The following COLEC12 variants were observed in gnomAD, a reference collection of about 807,000 sequenced individuals.
COLEC12 encodes collectin subfamily member 12.
A neutral mutation model predicts 71.1 loss-of-function variants in COLEC12; 33 were observed. The ratio of observed to expected loss-of-function variants is 0.46; its 90% CI spans 0.35 to 0.62. The LOEUF is 0.62. Ranked by LOEUF, COLEC12 falls within the 20% of genes least tolerant of loss-of-function variation. COLEC12 has a pLI of 0.00. For synonymous variants in COLEC12, 350 were observed against 353.0 expected, an observed-to-expected ratio of 0.99 and a Z score of 0.10; for missense variants, 765 against 916.1, an observed-to-expected ratio of 0.84 and a Z score of 2.13.
intron 8 of COLEC12, among the ~76,000 whole-genome samples, chr18:323,181 A>G (rs532691378): frequency 1.3e-5 from 2 of 152,172 alleles, no homozygotes; most frequent in Non-Finnish European, 2.9e-5. Context: ...AGCCAAGATC[A>G]TGCCACTGCA....
At chr18:350,165 GT>G (rs1413969030) in intron 3 of COLEC12, among the ~76,000 whole-genome samples, 2 of 152,192 alleles carry the variant, frequency 1.3e-5, no homozygotes, top group Admixed American at 1.3e-4. Context: ...ATTTACATGT[GT>G]TGTGGGAAGG....
At chr18:363,238 A>C (rs572323916) in intron 2 of COLEC12, among the ~76,000 whole-genome samples, 29 of 152,316 alleles carry the variant, frequency 1.9e-4, no homozygotes, top group African/African-American at 7.0e-4. Context: ...TGCAGAAAAA[A>C]AAAGAGTCTC....
chr18:380,475 G>A (rs1018331362), intron 2 of COLEC12, among the ~76,000 whole-genome samples: 3 of 62,706 alleles, frequency 4.8e-5, no homozygotes, highest in Non-Finnish European at 6.8e-5. Context: ...ATTGTAATAG[G>A]GACAAGAATG....
chr18:355,051 C>CATG (rs1914602998), intron 3 of COLEC12, among the ~76,000 whole-genome samples: 1 of 121,818 alleles, frequency 8.2e-6, no homozygotes, highest in African/African-American at 5.9e-5. Flanking sequence ...ATCCATGCAT[C>CATG]CATCCATCCA....
At chr18:469,123 G>A (rs966005911) in intron 2 of COLEC12, among the ~76,000 whole-genome samples, 1 of 152,256 alleles carries the variant, frequency 6.6e-6, no homozygotes, top group Non-Finnish European at 1.5e-5. Flanking sequence ...ACAAAGGAAA[G>A]GGACTTCATA....
At chr18:445,364 C>T (rs1021823175) in intron 2 of COLEC12, among the ~76,000 whole-genome samples, 8 of 152,152 alleles carry the variant, frequency 5.3e-5, no homozygotes, top group Non-Finnish European at 7.3e-5. Flanking sequence ...CACAAGGCCT[C>T]ATTTGTTTGA....
At chr18:418,010 A>C (rs1344225842) in intron 2 of COLEC12, among the ~76,000 whole-genome samples, 1 of 152,186 alleles carries the variant, frequency 6.6e-6, no homozygotes, top group East Asian at 1.9e-4. Flanking sequence ...TCTAAGGCCC[A>C]AGAAGCCAGG....
Position 480,779 on chromosome 18 carries a change from G to A in COLEC12, c.8-22C>T, listed in dbSNP as rs1222079074. 2.8e-5 allele frequency: 45 copies of A among 1,610,950 alleles called. No individual in the cohort carries two copies. The highest frequency in any genetic ancestry group is 4.4e-5 in the South Asian group (4 of 91,036). On this transcript the variant is annotated intron_variant, in intron 1 of 9. Transcript: ENST00000400256. The surrounding 1 kb of genome is among the most constrained non-coding windows in gnomAD (Gnocchi z 4.1). The stretch of plus-strand genomic sequence containing the variant: ...TCGTCTGTGAGAGAAGAAGAGACAC[G>A]ATGTTAATCCTGGCAAGGGGCACAG...
intron 2 of COLEC12, among the ~76,000 whole-genome samples, chr18:415,214 C>T (rs1915964020): frequency 6.6e-6 from 1 of 152,150 alleles, no homozygotes; most frequent in Admixed American, 6.5e-5. Flanking sequence ...GAATTAATGC[C>T]GTTTCCATTT....
intron 2 of COLEC12, among the ~76,000 whole-genome samples, chr18:360,882 T>A (rs1914730102): frequency 1.3e-5 from 2 of 152,156 alleles, no homozygotes; most frequent in South Asian, 4.1e-4. Context: ...CCTTTCTGTC[T>A]TACTTCCTTA....
At chr18:435,025 C>T (rs556096467) in intron 2 of COLEC12, among the ~76,000 whole-genome samples, 3 of 152,300 alleles carry the variant, frequency 2.0e-5, no homozygotes, top group Admixed American at 1.3e-4. Flanking sequence ...CTGACTTTGA[C>T]CAGCAGCTTT....
At chr18:320,212 A>G (rs1234555317) in intron 9 of COLEC12, 148 bp from the exon 10 acceptor site, 1 of 551,478 alleles carries the variant, frequency 1.8e-6, no homozygotes, top group Non-Finnish European at 3.2e-6. Flanking sequence ...AATGTCTAGA[A>G]GATCTTATTT....
intron 1 of COLEC12, among the ~76,000 whole-genome samples, chr18:481,896 A>G (rs943309080): frequency 6.6e-6 from 1 of 152,120 alleles, no homozygotes; most frequent in African/African-American, 2.4e-5. Flanking sequence ...TTGCACAACT[A>G]AAGGACACTT....
At chr18:436,418 G>A in intron 2 of COLEC12, among the ~76,000 whole-genome samples, 1 of 150,194 alleles carries the variant, frequency 6.7e-6, no homozygotes, top group East Asian at 2.0e-4. Flanking sequence ...CGGAGGCTGA[G>A]GCAGGAGATT....
At chr18:361,901 T>C (rs1320723756) in intron 2 of COLEC12, among the ~76,000 whole-genome samples, 1 of 152,212 alleles carries the variant, frequency 6.6e-6, no homozygotes, top group Non-Finnish European at 1.5e-5. Flanking sequence ...CTCTTCAGGA[T>C]GATTTCTTAC....
At chr18:426,606 A>C (rs28482870) in intron 2 of COLEC12, among the ~76,000 whole-genome samples, 27,784 of 152,118 alleles carry the variant, frequency 0.18, 2,830 homozygotes, top group Middle Eastern at 0.24. Flanking sequence ...GTAACATCTT[A>C]TTGATTCCCT....
intron 1 of COLEC12, among the ~76,000 whole-genome samples, chr18:484,269 T>G (rs138918405): frequency 1.3e-5 from 2 of 152,320 alleles, no homozygotes; most frequent in East Asian, 3.9e-4. Context: ...TTAAAGCAAT[T>G]TAGCTGTGTC....
intron 3 of COLEC12, among the ~76,000 whole-genome samples, chr18:351,679 T>G (rs1914525035): frequency 6.6e-6 from 1 of 152,232 alleles, no homozygotes; most frequent in Non-Finnish European, 1.5e-5. Flanking sequence ...GTGATTCTCC[T>G]GCTTCAGCCT....
chr18:458,162 A>C (rs1165194488), intron 2 of COLEC12, among the ~76,000 whole-genome samples: 1 of 152,184 alleles, frequency 6.6e-6, no homozygotes, highest in Non-Finnish European at 1.5e-5. Flanking sequence ...TCCCATTTGC[A>C]GTTCTTTTAC....
Sources: allele counts gnomAD v4.1 joint callset (sites outside exome capture counted in the v4.1 genomes callset), GRCh38; gene constraint gnomAD v4.1.1; non-coding constraint Gnocchi (gnomAD v3.1); transcripts MANE v1.5; gene names NCBI Gene and HGNC (gene_info 2026-07-23, HGNC 2026-07-21).